WWP2: variants seen among roughly 807,000 people sequenced by gnomAD.
WWP2 encodes the protein WW domain containing E3 ubiquitin protein ligase 2.
A neutral mutation model predicts 121.0 loss-of-function variants in WWP2; 57 were observed. That is an observed-to-expected ratio of 0.47 (90% CI 0.38 to 0.59). The LOEUF (loss-of-function observed/expected upper bound fraction) is 0.59, where lower values mean the gene tolerates loss of function less well. Among genes scored for constraint, WWP2 ranks in the 20% least tolerant of loss-of-function variants. The pLI is 0.00. For missense variants in WWP2, 962 were observed against 1,158.9 expected (o/e 0.83, Z 2.47); for synonymous variants, 449 against 441.3 (o/e 1.02, Z -0.22).
chr16:69,798,934 T>C (rs534109183), intron 3 of WWP2, 105 bp downstream of exon 3: 2 of 1,501,390 alleles, frequency 1.3e-6, no homozygotes, highest in African/African-American at 2.8e-5. Flanking sequence ...CCTCCGACTT[T>C]TTCTACCTAT....
chr16:69,849,482 TATTCATTCATTC>T (rs10632935), intron 6 of WWP2, among the ~76,000 whole-genome samples: 4 of 149,666 alleles, frequency 2.7e-5, no homozygotes, highest in South Asian at 2.1e-4. Context: ...TTTATTTATT[TATTCATTCATTC>T]ATTCATTCAT....
intron 10 of WWP2, among the ~76,000 whole-genome samples, chr16:69,919,787 CTTT>C (rs1326246941): frequency 1.0e-4 from 13 of 124,360 alleles, no homozygotes; most frequent in African/African-American, 2.1e-4. Context: ...GGGTCCCTGA[CTTT>C]TTTTTTTTTT....
At chr16:69,798,381 A>G (rs2151812342) in intron 2 of WWP2, among the ~76,000 whole-genome samples, 1 of 152,320 alleles carries the variant, frequency 6.6e-6, no homozygotes, top group Non-Finnish European at 1.5e-5. Flanking sequence ...ATTTTTAAAG[A>G]ATTGAATAAA....
chr16:69,805,780 T>C (rs898458381), intron 4 of WWP2, among the ~76,000 whole-genome samples: 12 of 133,916 alleles, frequency 9.0e-5, no homozygotes, highest in Non-Finnish European at 1.6e-4. Context: ...ATTTTTTTTC[T>C]TTTTTTTTTT....
chr16:69,862,671 G>A (rs1170037819), intron 6 of WWP2, among the ~76,000 whole-genome samples: 1 of 141,758 alleles, frequency 7.1e-6, no homozygotes, highest in African/African-American at 2.6e-5. Flanking sequence ...AGATAGAAAA[G>A]TATGCTTGGA....
At chr16:69,768,483 A>AGGTG (rs2055347798) in intron 1 of WWP2, among the ~76,000 whole-genome samples, 1 of 151,994 alleles carries the variant, frequency 6.6e-6, no homozygotes, top group African/African-American at 2.4e-5. Context: ...GGTGGCAGAC[A>AGGTG]CCTGTAATCC....
intron 21 of WWP2, among the ~76,000 whole-genome samples, chr16:69,938,315 A>AT (rs2058831290): frequency 6.6e-6 from 1 of 151,962 alleles, no homozygotes; most frequent in African/African-American, 2.4e-5. Context: ...TGCCCAACCC[A>AT]TTTAAGTTTT....
chr16:69,773,658 T>A (rs2055465860), intron 1 of WWP2, among the ~76,000 whole-genome samples: 1 of 151,936 alleles, frequency 6.6e-6, no homozygotes, highest in Admixed American at 6.6e-5. Context: ...TTTTTTGTAT[T>A]TTTTGTAGAA....
chr16:69,799,910 C>T lies in WWP2; in HGVS notation c.340+615C>T, dbSNP rs1224075246. ...TTGTGGTCAGTGGCATGGCCCATGGCGGTGGTATTGGACCCTCCTTCATAA... is the reference window on the plus strand; with the variant it reads ...TTGTGGTCAGTGGCATGGCCCATGGTGGTGGTATTGGACCCTCCTTCATAA... On this transcript the variant is annotated intron_variant, in intron 4 of 23. Transcript: ENST00000359154. This position sits in a 1 kb window ranked among gnomAD's most constrained non-coding sequence, Gnocchi z 4.5. Among the ~76,000 whole-genome samples the T allele has an allele frequency of 1.3e-5, 2 of 152,126 alleles. No individual in the cohort carries two copies. Among genetic ancestry groups the T allele is most frequent in the African/African-American group, 4.8e-5 (2 of 41,426 alleles).
At chr16:69,850,925 G>A (rs1310992400) in intron 6 of WWP2, among the ~76,000 whole-genome samples, 1 of 151,844 alleles carries the variant, frequency 6.6e-6, no homozygotes, top group African/African-American at 2.4e-5. Context: ...CCACCAGAGT[G>A]GTACATTTGT....
intron 16 of WWP2, among the ~76,000 whole-genome samples, 172 bp downstream of exon 16, chr16:69,932,062 GC>G (rs2058723821): frequency 6.6e-6 from 1 of 152,254 alleles, no homozygotes. Flanking sequence ...AGGCGCGGTG[GC>G]TCACGCCTAT....
intron 4 of WWP2, among the ~76,000 whole-genome samples, chr16:69,810,785 C>T (rs550581858): frequency 1.4e-4 from 21 of 148,130 alleles, no homozygotes; most frequent in Admixed American, 2.7e-4. Flanking sequence ...GACGGAGTCT[C>T]GCTCTGTTGC....
At chr16:69,864,024 TG>T in intron 6 of WWP2, among the ~76,000 whole-genome samples, 1 of 152,228 alleles carries the variant, frequency 6.6e-6, no homozygotes, top group East Asian at 1.9e-4. Flanking sequence ...TATGAGCTTT[TG>T]CATACAGGCT....
At chr16:69,826,336 G>A (rs2056688473) in intron 4 of WWP2, among the ~76,000 whole-genome samples, 1 of 151,634 alleles carries the variant, frequency 6.6e-6, no homozygotes, top group African/African-American at 2.4e-5. Context: ...GGGAGGCCGA[G>A]GCAGGCAGAT....
rs557481795 is a variant in WWP2, at chr16:69,762,770, G to A, written c.-16+379G>A. On this transcript the variant is annotated intron_variant, in intron 1 of 23. Coordinates refer to ENST00000359154, the MANE Select transcript of WWP2 (RefSeq NM_001270454.2). ...ACTTGGAACTGAGCTGGAAGGGGGT[G>A]CCTGAAAATGGGTTTATGGCGTGGA... Among the ~76,000 whole-genome samples the A allele has an allele frequency of 2.2e-4, 33 of 152,336 alleles. No homozygotes were observed. The South Asian group carries it at 6.2e-3, about 29-fold the overall frequency.
chr16:69,762,412 G>C (rs1235024859), intron 1 of WWP2, 21 bp downstream of exon 1: 4 of 149,230 alleles, frequency 2.7e-5, no homozygotes, highest in Non-Finnish European at 6.0e-5. Context: ...CTGGCGCGGG[G>C]GGCGCGGTGG....
At chr16:69,871,633 T>G in intron 6 of WWP2, 171 bp from the exon 7 acceptor site, 1 of 890,420 alleles carries the variant, frequency 1.1e-6, no homozygotes, top group Admixed American at 3.3e-5. Flanking sequence ...GAAACTTCCC[T>G]GGGTCTCTCT....
chr16:69,871,857 A>T lies in WWP2; in HGVS notation c.629A>T (p.Gln210Leu). The stretch of plus-strand genomic sequence containing the variant: ...AGAACAACCCCAGCAACCGGCGAGC[A>T]AAGCCCCGGTGCTCGGAGCCGGCAC... ...SARTTPATGE[Q>L]SPGARSRHRQ... Residue 210 changes from glutamine to leucine, a missense_variant, in exon 7 of 24, where the codon CAA (glutamine) becomes CTA (leucine). Around this residue, in one of 3 missense-constraint regions of WWP2, gnomAD observed 211 missense variants for 196.5 expected, o/e 1.07. Transcript: ENST00000359154. 6.2e-7 allele frequency: 1 copy of T among 1,614,108 alleles called. No individual in the cohort carries two copies. The highest frequency in any genetic ancestry group is 1.3e-5 in the African/African-American group (1 of 75,052).
intron 9 of WWP2, 107 bp from the exon 10 acceptor site, chr16:69,917,602 T>C: frequency 7.3e-7 from 1 of 1,377,074 alleles, no homozygotes; most frequent in Non-Finnish European, 9.9e-7. Flanking sequence ...CCCAGCAACC[T>C]CTGTGACAGG....
Sources: gnomAD v4.1 joint callset for allele counts (sites outside exome capture counted in the v4.1 genomes callset) on GRCh38, gnomAD v4.1.1 for gene constraint, gnomAD v4.1.1 regional missense constraint, Gnocchi (gnomAD v3.1) non-coding constraint, MANE v1.5 for transcripts, NCBI Gene and HGNC (gene_info 2026-07-23, HGNC 2026-07-21) for gene names.